UNC5C: variants seen among roughly 807,000 people sequenced by gnomAD.
UNC5C encodes unc-5 netrin receptor C, also known as netrin receptor UNC5C.
In UNC5C, 47 loss-of-function variants were observed where a neutral mutation model predicts 99.8. The observed-to-expected ratio is 0.47, with a 90% confidence interval of 0.37 to 0.60. The LOEUF is 0.60. Ranked by LOEUF, UNC5C falls within the 20% of genes least tolerant of loss-of-function variation. The pLI, the probability that UNC5C is intolerant of heterozygous loss-of-function variation, is 0.00. For missense variants in UNC5C, 1,062 were observed against 1,165.9 expected (o/e 0.91, Z 1.30); for synonymous variants, 487 against 452.2 (o/e 1.08, Z -0.98).
intron 1 of UNC5C, among the ~76,000 whole-genome samples, chr4:95,361,949 C>T (rs931002309): frequency 1.2e-4 from 18 of 150,386 alleles, no homozygotes; most frequent in Non-Finnish European, 2.5e-4. Context: ...ATATAAAAAA[C>T]AGATTATCTA....
intron 4 of UNC5C, among the ~76,000 whole-genome samples, chr4:95,273,193 A>G (rs1413539769): frequency 6.6e-6 from 1 of 152,242 alleles, no homozygotes; most frequent in Non-Finnish European, 1.5e-5. Flanking sequence ...AACTGGGTCA[A>G]TAAGTTGAAC....
chr4:95,256,714 A>ATATATATATATATATATATATG (rs1579272889), intron 4 of UNC5C, among the ~76,000 whole-genome samples: 7 of 127,304 alleles, frequency 5.5e-5, no homozygotes, highest in South Asian at 2.7e-4. Context: ...ATATATATAT[A>ATATATATATATATATATATATG]TATATATGAG....
chr4:95,256,699 A>ATATATATATATATATAT (rs1553958327), intron 4 of UNC5C, among the ~76,000 whole-genome samples: 1 of 90,664 alleles, frequency 1.1e-5, no homozygotes, highest in African/African-American at 3.6e-5. Flanking sequence ...GAACTAAATA[A>ATATATATATATATATAT]ATATATATAT....
chr4:95,350,840 A>G (rs140002953), intron 1 of UNC5C, among the ~76,000 whole-genome samples: 1 of 152,274 alleles, frequency 6.6e-6, no homozygotes, highest in Non-Finnish European at 1.5e-5. Flanking sequence ...TCAATCAAAC[A>G]TCAACTTAGG....
chr4:95,286,508 T>C (rs1436246751), intron 3 of UNC5C, among the ~76,000 whole-genome samples: 1 of 152,206 alleles, frequency 6.6e-6, no homozygotes, highest in Non-Finnish European at 1.5e-5. Flanking sequence ...TGGCTCTAAA[T>C]GCCTGCTTTA....
chr4:95,435,191 T>C (rs1263100922), intron 1 of UNC5C, among the ~76,000 whole-genome samples: 1 of 152,058 alleles, frequency 6.6e-6, no homozygotes, highest in Admixed American at 6.6e-5. Flanking sequence ...TGATATCCCT[T>C]TCAAGTAAGG....
At chr4:95,406,018 G>C (rs562186065) in intron 1 of UNC5C, among the ~76,000 whole-genome samples, 1 of 152,156 alleles carries the variant, frequency 6.6e-6, no homozygotes, top group East Asian at 1.9e-4. Flanking sequence ...CAGAGGCCAG[G>C]GGTCCAAGGC....
intron 4 of UNC5C, among the ~76,000 whole-genome samples, chr4:95,253,546 G>A (rs774220110): frequency 6.6e-6 from 1 of 152,048 alleles, no homozygotes; most frequent in South Asian, 2.1e-4. Flanking sequence ...CCCCTGTGGG[G>A]GACACTGCTC....
At chr4:95,253,301 G>T (rs1193474347) in intron 4 of UNC5C, among the ~76,000 whole-genome samples, 2 of 152,126 alleles carry the variant, frequency 1.3e-5, no homozygotes, top group African/African-American at 2.4e-5. Flanking sequence ...ACAACATAAA[G>T]AAGTCCCAAG....
chr4:95,520,854 C>T (rs1181598714), intron 1 of UNC5C, among the ~76,000 whole-genome samples: 1 of 152,026 alleles, frequency 6.6e-6, no homozygotes, highest in Non-Finnish European at 1.5e-5. Context: ...CCCGCCTCGG[C>T]CCCCAAAGTG....
Position 95,339,533 on chromosome 4 carries a change from A to AT in UNC5C, c.125-3903dup, listed in dbSNP as rs1011318455. Among the ~76,000 whole-genome samples the AT allele has an allele frequency of 1.7e-4, 26 of 151,592 alleles. No homozygotes were observed. The South Asian group carries it at 2.3e-3, about 13-fold the overall frequency. Reference sequence around the variant, plus strand: ...AAAACTTGGAGCTATAAAAAAATTGATTTTTTTTTCTTCAAGGACATCAGT... The same window carrying AT: ...AAAACTTGGAGCTATAAAAAAATTGATTTTTTTTTTCTTCAAGGACATCAGT... On this transcript the variant is annotated intron_variant, in intron 1 of 15. Transcript: ENST00000453304.
At chr4:95,280,229 T>G (rs1741005420) in intron 3 of UNC5C, among the ~76,000 whole-genome samples, 1 of 152,130 alleles carries the variant, frequency 6.6e-6, no homozygotes, top group South Asian at 2.1e-4. Flanking sequence ...ATTTGCCATA[T>G]TGTTGAATTT....
chr4:95,169,461 C>T, intron 15 of UNC5C, 62 bp from the exon 16 acceptor site: 1 of 1,559,942 alleles, frequency 6.4e-7, no homozygotes, highest in Non-Finnish European at 8.7e-7. Flanking sequence ...TTTTCCTCAG[C>T]TAAACCTTTC....
chr4:95,231,262 A>C (rs1424121744), intron 7 of UNC5C, among the ~76,000 whole-genome samples: 1 of 152,118 alleles, frequency 6.6e-6, no homozygotes, highest in Non-Finnish European at 1.5e-5. Flanking sequence ...ACATTTCAAT[A>C]TGGAGCTGCT....
chr4:95,456,441 T>C (rs942446535), intron 1 of UNC5C, among the ~76,000 whole-genome samples: 1 of 152,116 alleles, frequency 6.6e-6, no homozygotes, highest in African/African-American at 2.4e-5. Flanking sequence ...AATAATTCTG[T>C]ACATTTTCAC....
At chr4:95,508,298 T>A (rs560210287) in intron 1 of UNC5C, among the ~76,000 whole-genome samples, 123 of 152,102 alleles carry the variant, frequency 8.1e-4, no homozygotes, top group African/African-American at 2.8e-3. Flanking sequence ...TTGAGAGAAA[T>A]AAATGAGTTA....
intron 12 of UNC5C, among the ~76,000 whole-genome samples, chr4:95,199,760 G>A (rs180908906): frequency 1.3e-5 from 2 of 152,172 alleles, no homozygotes; most frequent in Admixed American, 6.5e-5. Flanking sequence ...TCTATGGTAC[G>A]CTTTTGCAAC....
intron 4 of UNC5C, among the ~76,000 whole-genome samples, chr4:95,257,016 T>C (rs902990059): frequency 6.6e-6 from 1 of 152,092 alleles, no homozygotes; most frequent in African/African-American, 2.4e-5. Context: ...TGAGTCTGCC[T>C]TTCCCAGCCC....
At position 95,165,844 on chromosome 4, in the gene UNC5C, CTG is replaced by C. The variant is rs1261707492; in HGVS notation, c.*3388_*3389del. 6 of 152,086 alleles carry C rather than the reference CTG, an allele frequency of 3.9e-5. No individual in the cohort carries two copies. Among genetic ancestry groups the C allele is most frequent in the Non-Finnish European group, 7.4e-5 (5 of 68,026 alleles). The allele number at this position is 152,086 out of a possible 1,614,324, so 9.4% of individuals were successfully genotyped here. A position where few individuals can be genotyped will look rare whatever the true frequency, so the allele number is the denominator to read the frequency against. ...GTTAAAAATGACAACTCTTCAAAGA[CTG>C]TTTTATATAGATTTTACATAGTTCT... On this transcript the variant is annotated 3_prime_UTR_variant, in exon 16 of 16. Transcript: ENST00000453304.
Sources: gnomAD v4.1 joint callset for allele counts (sites outside exome capture counted in the v4.1 genomes callset) on GRCh38, gnomAD v4.1.1 for gene constraint, MANE v1.5 for transcripts, NCBI Gene and HGNC (gene_info 2026-07-23, HGNC 2026-07-21) for gene names.